The following ADAM12 variants were observed in gnomAD, a reference collection of about 807,000 sequenced individuals.
ADAM12 encodes the protein disintegrin and metalloproteinase domain-containing protein 12.
In ADAM12, 70 loss-of-function variants were observed where a neutral mutation model predicts 106.4. That is an observed-to-expected ratio of 0.66 (90% CI 0.54 to 0.80). The LOEUF is 0.80. Among genes scored for constraint, ADAM12 ranks in the 30% least tolerant of loss-of-function variants. The pLI, the probability that ADAM12 is intolerant of heterozygous loss-of-function variation, is 0.00. For missense variants in ADAM12, 1,010 were observed against 1,171.9 expected, an observed-to-expected ratio of 0.86 and a Z score of 2.02; for synonymous variants, 420 against 433.5, an observed-to-expected ratio of 0.97 and a Z score of 0.39.
intron 2 of ADAM12, among the ~76,000 whole-genome samples, chr10:126,313,892 C>A (rs576024750): frequency 6.6e-6 from 1 of 152,014 alleles, no homozygotes; most frequent in African/African-American, 2.4e-5. Flanking sequence ...TTACAGCAAC[C>A]AAGCGAGTGG....
At chr10:126,130,095 C>T (rs996128446) in intron 5 of ADAM12, among the ~76,000 whole-genome samples, 1 of 152,190 alleles carries the variant, frequency 6.6e-6, no homozygotes, top group Non-Finnish European at 1.5e-5. Flanking sequence ...GTTCCTAGAT[C>T]TTAATATGTT....
chr10:126,362,504 T>G (rs944667755), intron 1 of ADAM12, among the ~76,000 whole-genome samples: 1 of 152,160 alleles, frequency 6.6e-6, no homozygotes, highest in Non-Finnish European at 1.5e-5. Context: ...AACTCCCATG[T>G]GCATTGCAGC....
chr10:126,020,138 T>C (rs1407047431), intron 21 of ADAM12, among the ~76,000 whole-genome samples: 1 of 152,200 alleles, frequency 6.6e-6, no homozygotes, highest in African/African-American at 2.4e-5. Context: ...GTGCTTTTAG[T>C]TAGGCGGCTT....
intron 11 of ADAM12, among the ~76,000 whole-genome samples, chr10:126,083,940 C>T (rs898075755): frequency 7.9e-5 from 12 of 152,192 alleles, no homozygotes; most frequent in African/African-American, 2.7e-4. Context: ...TATAACTGGA[C>T]GCTGAGCCAG....
intron 3 of ADAM12, among the ~76,000 whole-genome samples, chr10:126,252,443 C>T (rs1958805488): frequency 6.6e-6 from 1 of 152,076 alleles, no homozygotes; most frequent in Admixed American, 6.6e-5. Flanking sequence ...GTTCAAAGGC[C>T]CGAACACCAA....
intron 2 of ADAM12, among the ~76,000 whole-genome samples, chr10:126,301,721 C>A (rs1010974046): frequency 1.3e-5 from 2 of 152,022 alleles, no homozygotes; most frequent in Admixed American, 1.3e-4. Context: ...TAATCCCAAG[C>A]AATAAAAAGG....
chr10:126,022,855 T>C (rs1006542379), intron 21 of ADAM12, among the ~76,000 whole-genome samples: 10 of 152,384 alleles, frequency 6.6e-5, no homozygotes, highest in South Asian at 2.1e-4. Context: ...CCAGGTATGC[T>C]ATTAATATGC....
At chr10:126,274,880 A>G (rs1959208890) in intron 3 of ADAM12, among the ~76,000 whole-genome samples, 1 of 152,242 alleles carries the variant, frequency 6.6e-6, no homozygotes, top group African/African-American at 2.4e-5. Flanking sequence ...ATGATCTAAG[A>G]TAAATGCCTT....
intron 3 of ADAM12, among the ~76,000 whole-genome samples, chr10:126,251,112 G>T (rs1197077990): frequency 6.6e-6 from 1 of 152,196 alleles, no homozygotes; most frequent in African/African-American, 2.4e-5. Flanking sequence ...TGGCCAAGGG[G>T]TAGGAACATG....
intron 2 of ADAM12, among the ~76,000 whole-genome samples, chr10:126,281,444 A>G (rs566089848): frequency 6.4e-4 from 98 of 152,366 alleles, no homozygotes; most frequent in African/African-American, 2.1e-3. Flanking sequence ...TAGTTTAAGC[A>G]TTAACATTTG....
At chr10:126,220,921 G>C (rs750132893) in intron 3 of ADAM12, among the ~76,000 whole-genome samples, 7 of 152,250 alleles carry the variant, frequency 4.6e-5, no homozygotes, top group Admixed American at 1.3e-4. Context: ...ATCTCCAGCA[G>C]GCCACATGGA....
chr10:126,019,369 T>A (rs943329476), intron 22 of ADAM12, among the ~76,000 whole-genome samples: 1 of 150,218 alleles, frequency 6.7e-6, no homozygotes, highest in African/African-American at 2.4e-5. Flanking sequence ...GTCTTCATAC[T>A]GTCATGCTAC....
intron 14 of ADAM12, among the ~76,000 whole-genome samples, chr10:126,061,299 A>C (rs1454554826): frequency 6.6e-6 from 1 of 152,216 alleles, no homozygotes; most frequent in Non-Finnish European, 1.5e-5. Context: ...TATTACATGG[A>C]ATAGATTATA....
chr10:126,039,091 A>T (rs547777779), intron 19 of ADAM12, among the ~76,000 whole-genome samples: 1 of 150,762 alleles, frequency 6.6e-6, no homozygotes, highest in Admixed American at 6.6e-5. Flanking sequence ...TCCCGAGTAG[A>T]TGGGACTACA....
intron 4 of ADAM12, among the ~76,000 whole-genome samples, chr10:126,151,167 G>A (rs776896758): frequency 6.6e-6 from 1 of 152,104 alleles, no homozygotes; most frequent in Non-Finnish European, 1.5e-5. Context: ...TGAGTGAATA[G>A]ATGAAGAAAT....
intron 18 of ADAM12, 118 bp from the exon 19 acceptor site, chr10:126,039,547 A>G (rs1954123359): frequency 8.1e-7 from 1 of 1,235,298 alleles, no homozygotes; most frequent in Admixed American, 2.0e-5. Context: ...AAGAGAGTAC[A>G]CCCGTGAGTG....
At chr10:126,165,128 C>T (rs889330301) in intron 3 of ADAM12, among the ~76,000 whole-genome samples, 26 of 152,188 alleles carry the variant, frequency 1.7e-4, no homozygotes, top group African/African-American at 4.8e-4. Context: ...CTTCCTCCTG[C>T]CCCTGTTCAT....
At chr10:126,037,923 G>T (rs1336171246) in intron 20 of ADAM12, among the ~76,000 whole-genome samples, 2 of 152,210 alleles carry the variant, frequency 1.3e-5, no homozygotes, top group Non-Finnish European at 2.9e-5. Context: ...AGCCAGCTCG[G>T]GCTGCAGACC....
intron 3 of ADAM12, among the ~76,000 whole-genome samples, chr10:126,260,614 T>C (rs1220874302): frequency 2.0e-5 from 3 of 152,202 alleles, no homozygotes; most frequent in African/African-American, 7.2e-5. Flanking sequence ...ATTGTTCAGA[T>C]AACTTGTCAG....
Sources: allele counts gnomAD v4.1 joint callset (sites outside exome capture counted in the v4.1 genomes callset), GRCh38; gene constraint gnomAD v4.1.1; transcripts MANE v1.5; gene names NCBI Gene and HGNC (gene_info 2026-07-23, HGNC 2026-07-21).